The following PTMA variants were observed in gnomAD, a reference collection of about 807,000 sequenced individuals.
PTMA encodes gene sequence 28.
Under a neutral mutation model 16.9 loss-of-function variants are expected in PTMA, and 4 were observed. That is an observed-to-expected ratio of 0.24 (90% CI 0.12 to 0.54). The LOEUF (loss-of-function observed/expected upper bound fraction) is 0.54. PTMA is among the 20% of genes least tolerant of loss of function. The pLI, the probability that PTMA is intolerant of heterozygous loss-of-function variation, is 0.95. For missense variants in PTMA, 120 were observed against 137.7 expected, an observed-to-expected ratio of 0.87 and a Z score of 0.64; for synonymous variants, 58 against 47.9, an observed-to-expected ratio of 1.21 and a Z score of -0.87.
intron 1 of PTMA, chr2:231,709,828 C>A: frequency 4.8e-6 from 1 of 207,050 alleles, no homozygotes; most frequent in Non-Finnish European, 9.6e-6. Context: ...CCGCGCCCGT[C>A]GTGCCCCTGC....
At chr2:231,709,036 T>G (rs2048479009) in intron 1 of PTMA, among the ~76,000 whole-genome samples, 1 of 152,042 alleles carries the variant, frequency 6.6e-6, no homozygotes, top group Non-Finnish European at 1.5e-5. Context: ...AACTCGTCTG[T>G]GGCCGGTATG....
intron 1 of PTMA, chr2:231,710,814 T>G: frequency 3.2e-6 from 1 of 309,086 alleles, no homozygotes; most frequent in South Asian, 2.4e-5. Context: ...CGGTGTGCTT[T>G]GGCTTTTTTA....
At chr2:231,711,039 G>C in intron 1 of PTMA, 1 of 303,308 alleles carries the variant, frequency 3.3e-6, no homozygotes, top group Non-Finnish European at 6.3e-6. Context: ...CGGCCGGACG[G>C]GCTGGGGGCT....
rs896153147 is a variant in PTMA at position 231,712,936 on chromosome 2, G to A, written c.*85G>A. On this transcript the variant is annotated 3_prime_UTR_variant, in exon 5 of 5. Transcript: ENST00000409115. ...CCACTTCCCGTCTCAGAATCTAAACGTGGTCACCTTCGAGTAGAGAGGCCC... is the reference window on the plus strand; with the variant it reads ...CCACTTCCCGTCTCAGAATCTAAACATGGTCACCTTCGAGTAGAGAGGCCC... The A allele has an allele frequency of 9.7e-6, 14 of 1,439,904 alleles. No individual in the cohort carries two copies. The highest frequency in any genetic ancestry group is 2.3e-5 in the Admixed American group (1 of 43,686). 89.2% of individuals were successfully genotyped at this position (1,439,904 alleles called of 1,614,324 possible). A position where few individuals can be genotyped will look rare whatever the true frequency, so the allele number is the denominator to read the frequency against.
At chr2:231,711,813 A>C in intron 2 of PTMA, 77 bp from the exon 3 acceptor site, 1 of 1,574,344 alleles carries the variant, frequency 6.4e-7, no homozygotes, top group Non-Finnish European at 8.6e-7. Context: ...CTCTGGTGGG[A>C]GGCCGGGCAT....
chr2:231,710,266 A>G, intron 1 of PTMA: 1 of 1,326,626 alleles, frequency 7.5e-7, no homozygotes, highest in Middle Eastern at 2.8e-4. Context: ...CGCGCGTGCC[A>G]CTGCAAGCTC....
At chr2:231,711,288 T>C in intron 1 of PTMA, 60 bp from the exon 2 acceptor site, 1 of 1,443,578 alleles carries the variant, frequency 6.9e-7, no homozygotes, top group Non-Finnish European at 9.7e-7. Flanking sequence ...TCAGCGCCTT[T>C]GCTTACCCTG....
rs752495200 is a variant in PTMA, at chr2:231,711,892, T to C, written c.120T>C (p.Asn40=). The change falls in exon 3 of 5, where the codon AAT becomes AAC. Residue 40 remains asparagine, a splice_region_variant and synonymous_variant. Transcript: ENST00000409115. ...GRDAPANGNA[N]EENGEQEADN... ...ATGGCCTGTTTTCTGTCGAGGAGAA[T>C]GAGGAAAATGGGGAGCAGGAGGCTG... The C allele has an allele frequency of 5.0e-6, 8 of 1,611,608 alleles. No homozygotes were observed. Among genetic ancestry groups the C allele is most frequent in the Non-Finnish European group, 5.9e-6 (7 of 1,179,354 alleles).
intron 4 of PTMA, 32 bp from the exon 5 acceptor site, chr2:231,712,772 G>A: frequency 6.3e-7 from 1 of 1,580,418 alleles, no homozygotes; most frequent in Non-Finnish European, 8.6e-7. Flanking sequence ...TCCTGGGGTT[G>A]GAGGGGCCTT....
chr2:231,713,057 A>G lies in PTMA; in HGVS notation c.*206A>G, dbSNP rs1242941657. 3.5e-6 allele frequency: 2 copies of G among 579,478 alleles called. No homozygotes were observed. The highest frequency in any genetic ancestry group is 3.8e-5 in the African/African-American group (2 of 52,694). The allele number at this position is 579,478 out of a possible 1,614,324, so 35.9% of individuals were successfully genotyped here. A position where few individuals can be genotyped will look rare whatever the true frequency, so the allele number is the denominator to read the frequency against. On this transcript the variant is annotated 3_prime_UTR_variant, in exon 5 of 5. Coordinates refer to ENST00000409115, the MANE Select transcript of PTMA (RefSeq NM_002823.5). ...ATTTGCAACAGGGGAGGAAAAAAGA[A>G]CCAAAACTTCCAAGGCCCTGCTTTT... is the stretch of plus-strand genomic sequence containing the variant.
In PTMA at chr2:231,708,560, T is replaced by A; in HGVS notation, c.-147T>A. 3.3e-6 allele frequency: 3 copies of A among 905,974 alleles called. No individual in the cohort carries two copies. The highest frequency in any genetic ancestry group is 1.4e-5 in the South Asian group (1 of 73,872). 56.1% of individuals were successfully genotyped at this position (905,974 alleles called of 1,614,324 possible). On this transcript the variant is annotated 5_prime_UTR_variant, in exon 1 of 5. Coordinates refer to ENST00000409115, the MANE Select transcript of PTMA (RefSeq NM_002823.5). ...CTGCTCTGAAAAGCCATCTTTGCAT[T>A]GTTCCTCATCCGCCTCCTTGCTCGC...
chr2:231,711,501 A>ATG, intron 2 of PTMA, 82 bp downstream of exon 2: 3 of 1,223,230 alleles, frequency 2.5e-6, no homozygotes, highest in South Asian at 1.2e-5. Flanking sequence ...ATACCTATAT[A>ATG]TGTGTGTGTA....
chr2:231,710,111 C>T lies in PTMA; in HGVS notation c.46-1237C>T. 2.4e-6 allele frequency: 3 copies of T among 1,242,884 alleles called. No individual in the cohort carries two copies. The East Asian group carries it at 9.5e-5, about 39-fold the overall frequency. The allele number at this position is 1,242,884 out of a possible 1,614,324, so 77.0% of individuals were successfully genotyped here. ...GAGTAGTAGCCCGAGAGGCGCATCC[C>T]CGACAGTCTCGGACCTACGCAGCCC... On this transcript the variant is annotated intron_variant, in intron 1 of 4. Transcript: ENST00000409115.
At chr2:231,712,097 A>G in intron 3 of PTMA, 114 bp downstream of exon 3, 1 of 1,519,460 alleles carries the variant, frequency 6.6e-7, no homozygotes, top group African/African-American at 1.4e-5. Flanking sequence ...ACTTGGGGCC[A>G]GTGGACCACA....
Position 231,713,230 on chromosome 2 carries a change from T to G in PTMA, c.*379T>G, listed in dbSNP as rs938748360. ...GCGTTCTCTGTCCTACTTCTGACTT[T>G]ACTTGTGGTGTGACCATGTTCATTA... is the stretch of plus-strand genomic sequence containing the variant. On this transcript the variant is annotated 3_prime_UTR_variant, in exon 5 of 5. Transcript: ENST00000409115. The G allele has an allele frequency of 1.9e-5, 9 of 464,084 alleles. No individual in the cohort carries two copies. Among genetic ancestry groups the G allele is most frequent in the Non-Finnish European group, 3.0e-5 (7 of 232,440 alleles). The allele number at this position is 464,084 out of a possible 1,614,324, so 28.7% of individuals were successfully genotyped here. A position where few individuals can be genotyped will look rare whatever the true frequency, so the allele number is the denominator to read the frequency against.
rs1050697546 is a variant in PTMA, at chr2:231,710,008, A to G, written c.45+1257A>G. The G allele has an allele frequency of 7.2e-5, 82 of 1,137,706 alleles. No individual in the cohort carries two copies. In the African/African-American group the frequency reaches 1.2e-3, roughly 17 times the overall value. The allele number at this position is 1,137,706 out of a possible 1,614,324, so 70.5% of individuals were successfully genotyped here. A position where few individuals can be genotyped will look rare whatever the true frequency, so the allele number is the denominator to read the frequency against. On this transcript the variant is annotated intron_variant, in intron 1 of 4. Coordinates refer to ENST00000409115, the MANE Select transcript of PTMA (RefSeq NM_002823.5). ...AGTCCGGGAATGAGTTTGTGGGGTG[A>G]GAACACCGTCCCCAGTGCGGGGCCT...
chr2:231,708,628 C>G lies in PTMA; in HGVS notation c.-79C>G, dbSNP rs1468157429. The G allele has an allele frequency of 5.1e-6, 8 of 1,577,476 alleles. No individual in the cohort carries two copies. The highest frequency in any genetic ancestry group is 6.9e-6 in the Non-Finnish European group (8 of 1,162,618). On this transcript the variant is annotated 5_prime_UTR_variant, in exon 1 of 5. Coordinates refer to ENST00000409115, the MANE Select transcript of PTMA (RefSeq NM_002823.5). ...CGCGCCTCCTCCGCCGCCGCGGACT[C>G]CGGCAGCTTTATCGCCAGAGTCCCT...
intron 1 of PTMA, chr2:231,710,461 C>T: frequency 9.3e-6 from 10 of 1,078,536 alleles, no homozygotes; most frequent in East Asian, 1.4e-4. Context: ...GGGGCGAGAG[C>T]GGGCGGAGCC....
At chr2:231,708,917 G>A (rs1488004203) in intron 1 of PTMA, among the ~76,000 whole-genome samples, 166 bp downstream of exon 1, 1 of 152,184 alleles carries the variant, frequency 6.6e-6, no homozygotes, top group Non-Finnish European at 1.5e-5. Context: ...TGTGTGGTGC[G>A]GGGGAGGGGG....
Sources: gnomAD v4.1 joint callset for allele counts (sites outside exome capture counted in the v4.1 genomes callset) on GRCh38, gnomAD v4.1.1 for gene constraint, MANE v1.5 for transcripts, NCBI Gene and HGNC (gene_info 2026-07-23, HGNC 2026-07-21) for gene names.